The following RAB21 variants were observed in gnomAD, a reference collection of about 807,000 sequenced individuals.
RAB21 encodes the protein ras-related protein Rab-21.
Under a neutral mutation model 33.1 loss-of-function variants are expected in RAB21, and 13 were observed. The observed-to-expected ratio is 0.39, with a 90% confidence interval of 0.26 to 0.62. RAB21 has a LOEUF of 0.62. RAB21 is among the 20% of genes least tolerant of loss of function. RAB21 has a pLI of 0.48. For synonymous variants in RAB21, 91 were observed against 103.7 expected (o/e 0.88, Z 0.74); for missense variants, 234 against 279.1 (o/e 0.84, Z 1.15).
intron 3 of RAB21, 152 bp downstream of exon 3, chr12:71,770,851 T>C (rs1475018975): frequency 3.6e-6 from 2 of 559,332 alleles, no homozygotes; most frequent in Non-Finnish European, 6.2e-6. Flanking sequence ...ATTTTATTTT[T>C]CTTTTCACCT....
rs1490667678 is a variant in RAB21, at chr12:71,788,155, C to T, written c.*2482C>T. The T allele has an allele frequency of 6.6e-6, 1 of 151,858 alleles. No individual in the cohort carries two copies. The highest frequency in any genetic ancestry group is 1.5e-5 in the Non-Finnish European group (1 of 67,990). The allele number at this position is 151,858 out of a possible 1,614,324, so 9.4% of individuals were successfully genotyped here. Reference sequence around the variant, plus strand: ...AAAACTAGTTAGAGATGAAATTGAGCTTTATTTTAAAAAAACGTTCTAAAG... The same window carrying T: ...AAAACTAGTTAGAGATGAAATTGAGTTTTATTTTAAAAAAACGTTCTAAAG... On this transcript the variant is annotated 3_prime_UTR_variant, in exon 7 of 7. Coordinates refer to ENST00000261263, the MANE Select transcript of RAB21 (RefSeq NM_014999.4).
intron 4 of RAB21, among the ~76,000 whole-genome samples, chr12:71,779,402 C>T (rs573983530): frequency 9.9e-5 from 15 of 152,138 alleles, no homozygotes; most frequent in African/African-American, 3.4e-4. Flanking sequence ...TGCAGAGAGC[C>T]GTGTTCACGC....
chr12:71,772,240 T>C (rs1220124020), intron 3 of RAB21, among the ~76,000 whole-genome samples: 1 of 152,128 alleles, frequency 6.6e-6, no homozygotes, highest in Non-Finnish European at 1.5e-5. Context: ...TGTGTTATCA[T>C]CCAGTACTCT....
rs11829867 is a variant in RAB21, at chr12:71,770,013, A to G, written c.219+154A>G. ...AATTATATCTGGAATATAATTGTAT[A>G]TTTGAATATTGCTGTCATAACTTTT... On this transcript the variant is annotated intron_variant, in intron 2 of 6. Transcript: ENST00000261263. Among the ~76,000 whole-genome samples the G allele has an allele frequency of 0.043, 6,471 of 151,378 alleles. 331 individuals carry two copies. Among genetic ancestry groups the G allele is most frequent in the East Asian group, 0.13 (672 of 5,136 alleles).
In RAB21 at chr12:71,793,424, G is replaced by T. The variant is rs1883415560; in HGVS notation, c.*7751G>T. ...TATGAATTTTCTAAACATCTTTTCA[G>T]TGTCTTTTAAGGATATTTTTGATAT... is the stretch of plus-strand genomic sequence containing the variant. On this transcript the variant is annotated 3_prime_UTR_variant, in exon 7 of 7. Coordinates refer to ENST00000261263, the MANE Select transcript of RAB21 (RefSeq NM_014999.4). 1 of 152,122 alleles carries T rather than the reference G, an allele frequency of 6.6e-6. No homozygotes were observed. The highest frequency in any genetic ancestry group is 2.4e-5 in the African/African-American group (1 of 41,414). The allele number at this position is 152,122 out of a possible 1,614,324, so 9.4% of individuals were successfully genotyped here.
Position 71,770,635 on chromosome 12 carries a change from A to G in RAB21, c.263A>G (p.Tyr88Cys). 6.2e-7 allele frequency: 1 copy of G among 1,609,662 alleles called. No individual in the cohort carries two copies. Among genetic ancestry groups the G allele is most frequent in the Non-Finnish European group, 8.5e-7 (1 of 1,176,606 alleles). The change falls in exon 3 of 7, where the codon TAC becomes TGC. Residue 88 changes from tyrosine (Y) to cysteine (C), a missense_variant. Tyr to Cys is a radical substitution (Grantham distance 194). Coordinates refer to ENST00000261263, the MANE Select transcript of RAB21 (RefSeq NM_014999.4). ...QERFHALGPI[Y>C]YRDSNGAILV... ...AGATTCCATGCATTGGGTCCAATTT[A>G]CTACAGAGATTCAAATGGAGCGATT...
intron 1 of RAB21, among the ~76,000 whole-genome samples, chr12:71,767,303 G>C (rs1335926910): frequency 6.6e-6 from 1 of 152,068 alleles, no homozygotes; most frequent in African/African-American, 2.4e-5. Context: ...AAATTTCAGA[G>C]GGGATGGTAG....
At position 71,789,130 on chromosome 12, in the gene RAB21, G is replaced by C. The variant is rs889849313; in HGVS notation, c.*3457G>C. On this transcript the variant is annotated 3_prime_UTR_variant, in exon 7 of 7. Coordinates refer to ENST00000261263, the MANE Select transcript of RAB21 (RefSeq NM_014999.4). ...AGATAAAATTGGAAAAATAGGGAAAGAGCATAGGGAGGAATAGAATGGAAG... is the reference window on the plus strand; with the variant it reads ...AGATAAAATTGGAAAAATAGGGAAACAGCATAGGGAGGAATAGAATGGAAG... 1 of 151,896 alleles carries C rather than the reference G, an allele frequency of 6.6e-6. No homozygotes were observed. The highest frequency in any genetic ancestry group is 1.5e-5 in the Non-Finnish European group (1 of 67,904). The allele number at this position is 151,896 out of a possible 1,614,324, so 9.4% of individuals were successfully genotyped here.
At chr12:71,756,529 T>C (rs1316655635) in intron 1 of RAB21, among the ~76,000 whole-genome samples, 1 of 152,248 alleles carries the variant, frequency 6.6e-6, no homozygotes, top group African/African-American at 2.4e-5. Context: ...TACAAGACGC[T>C]CTGGCTCTGA....
intron 4 of RAB21, among the ~76,000 whole-genome samples, chr12:71,778,664 AG>A (rs1436556977): frequency 2.0e-5 from 3 of 152,210 alleles, no homozygotes; most frequent in African/African-American, 7.2e-5. Context: ...GGAAAAAGAG[AG>A]GAAAACAAGC....
In RAB21 at chr12:71,782,532, A is replaced by G. The variant is rs192027592; in HGVS notation, c.447-38A>G. The G allele has an allele frequency of 8.8e-3, 12,270 of 1,391,022 alleles. 224 individuals carry two copies. The highest frequency in any genetic ancestry group is 0.054 in the South Asian group (4,247 of 79,254). The allele number at this position is 1,391,022 out of a possible 1,614,324, so 86.2% of individuals were successfully genotyped here. A position where few individuals can be genotyped will look rare whatever the true frequency, so the allele number is the denominator to read the frequency against. The stretch of plus-strand genomic sequence containing the variant: ...AGCAGTTAAGACAAAATCATGAATA[A>G]TATTTTACATCAATCACCGATGTTA... On this transcript the variant is annotated intron_variant, in intron 5 of 6. Coordinates refer to ENST00000261263, the MANE Select transcript of RAB21 (RefSeq NM_014999.4).
At chr12:71,760,927 TG>T (rs1173537482) in intron 1 of RAB21, among the ~76,000 whole-genome samples, 1 of 152,032 alleles carries the variant, frequency 6.6e-6, no homozygotes, top group Non-Finnish European at 1.5e-5. Flanking sequence ...TGGATTTGGC[TG>T]GGTGCAGTGG....
intron 4 of RAB21, 124 bp downstream of exon 4, chr12:71,774,146 T>A: frequency 1.6e-6 from 1 of 606,938 alleles, no homozygotes; most frequent in East Asian, 3.4e-5. Flanking sequence ...TATAAATATT[T>A]TAGAATAATT....
rs1170624658 is a variant in RAB21, at chr12:71,789,861, A to G, written c.*4188A>G. 6.6e-6 allele frequency: 1 copy of G among 152,168 alleles called. No homozygotes were observed. The highest frequency in any genetic ancestry group is 6.5e-5 in the Admixed American group (1 of 15,274). The allele number at this position is 152,168 out of a possible 1,614,324, so 9.4% of individuals were successfully genotyped here. A position where few individuals can be genotyped will look rare whatever the true frequency, so the allele number is the denominator to read the frequency against. On this transcript the variant is annotated 3_prime_UTR_variant, in exon 7 of 7. Coordinates refer to ENST00000261263, the MANE Select transcript of RAB21 (RefSeq NM_014999.4). ...GTCTGATGGCCTTTACCTTTTCAAG[A>G]AAACAGTTGCAATTTTGAGCAAAAT...
At chr12:71,761,539 A>G (rs1477880158) in intron 1 of RAB21, among the ~76,000 whole-genome samples, 3 of 152,128 alleles carry the variant, frequency 2.0e-5, no homozygotes, top group African/African-American at 4.8e-5. Flanking sequence ...TGAGCCAGGC[A>G]TGATGGTGGG....
rs776143344 is a variant in RAB21 at position 71,787,046 on chromosome 12, C to T, written c.*1373C>T. ...TTCATATAGCACGTAGTTTATGTTC[C>T]TGAGGCAGCACTTTTAGATCCTTTG... On this transcript the variant is annotated 3_prime_UTR_variant, in exon 7 of 7. Coordinates refer to ENST00000261263, the MANE Select transcript of RAB21 (RefSeq NM_014999.4). 3.9e-5 allele frequency: 6 copies of T among 152,206 alleles called. No individual in the cohort carries two copies. Among genetic ancestry groups the T allele is most frequent in the Non-Finnish European group, 5.9e-5 (4 of 68,040 alleles). 9.4% of individuals were successfully genotyped at this position (152,206 alleles called of 1,614,324 possible).
At chr12:71,777,402 C>T (rs573514732) in intron 4 of RAB21, among the ~76,000 whole-genome samples, 1 of 152,222 alleles carries the variant, frequency 6.6e-6, no homozygotes, top group Non-Finnish European at 1.5e-5. Flanking sequence ...CTGTCTAATA[C>T]TTTAATCTAT....
chr12:71,787,649 C>G lies in RAB21; in HGVS notation c.*1976C>G, dbSNP rs1005333144. 3 of 152,202 alleles carry G rather than the reference C, an allele frequency of 2.0e-5. No individual in the cohort carries two copies. Among genetic ancestry groups the G allele is most frequent in the African/African-American group, 7.2e-5 (3 of 41,448 alleles). 9.4% of individuals were successfully genotyped at this position (152,202 alleles called of 1,614,324 possible). On this transcript the variant is annotated 3_prime_UTR_variant, in exon 7 of 7. Coordinates refer to ENST00000261263, the MANE Select transcript of RAB21 (RefSeq NM_014999.4). Reference sequence around the variant, plus strand: ...TGGAATTTTAACTTAAACTGGGAGGCATTCTGTGAGCCTTCACTTTACCTT... The same window carrying G: ...TGGAATTTTAACTTAAACTGGGAGGGATTCTGTGAGCCTTCACTTTACCTT...
rs182822806 is a variant in RAB21 at position 71,799,520 on chromosome 12, G to T, written c.*13847G>T. 1 of 152,248 alleles carries T rather than the reference G, an allele frequency of 6.6e-6. No individual in the cohort carries two copies. The highest frequency in any genetic ancestry group is 1.9e-4 in the East Asian group (1 of 5,188). 9.4% of individuals were successfully genotyped at this position (152,248 alleles called of 1,614,324 possible). A position where few individuals can be genotyped will look rare whatever the true frequency, so the allele number is the denominator to read the frequency against. ...AAATATGCTTATGTATGAAGGAAAT[G>T]AGTTTGTACAACGTTTTTCAATGCA... On this transcript the variant is annotated 3_prime_UTR_variant, in exon 7 of 7. Transcript: ENST00000261263.
Sources: allele counts gnomAD v4.1 joint callset (sites outside exome capture counted in the v4.1 genomes callset), GRCh38; gene constraint gnomAD v4.1.1; transcripts MANE v1.5; gene names NCBI Gene and HGNC (gene_info 2026-07-23, HGNC 2026-07-21).